Variants in DNAH11 observed in about 807,000 individuals in gnomAD.
DNAH11 encodes axonemal beta dynein heavy chain 11.
In DNAH11, 442 loss-of-function variants were observed where a neutral mutation model predicts 526.0. The observed-to-expected ratio is 0.84, with a 90% CI of 0.78 to 0.91. DNAH11 has a LOEUF of 0.91. Ranked by LOEUF, DNAH11 falls within the 40% of genes least tolerant of loss-of-function variation. DNAH11 has a pLI of 0.00. For missense variants in DNAH11, 6,989 were observed against 5,448.7 expected, an observed-to-expected ratio of 1.28 and a Z score of -8.90; for synonymous variants, 2,461 against 1,935.9, an observed-to-expected ratio of 1.27 and a Z score of -7.12.
Position 21,655,808 on chromosome 7 carries a change from T to A in DNAH11, c.4945-24T>A, listed in dbSNP as rs189287237. The A allele has an allele frequency of 1.8e-5, 29 of 1,602,526 alleles. No individual in the cohort carries two copies. The East Asian group carries it at 6.5e-4, about 36-fold the overall frequency. On this transcript the variant is annotated intron_variant, in intron 28 of 81. Transcript: ENST00000409508. ...ATACCTACAGTAAGAAATGTTCTTA[T>A]CTTTTCTAATATTCTCATTTTAGGT...
chr7:21,779,101 A>G lies in DNAH11; in HGVS notation c.9480A>G (p.Arg3160=), dbSNP rs536754956. 9 of 1,612,036 alleles carry G rather than the reference A, an allele frequency of 5.6e-6. No individual in the cohort carries two copies. Among genetic ancestry groups the G allele is most frequent in the Non-Finnish European group, 7.6e-6 (9 of 1,178,642 alleles). Residue 3160 remains arginine, a synonymous_variant, in exon 57 of 82, where the codon CGA becomes CGG. Transcript: ENST00000409508. ...AGACCATCGCTGATGCTGAGGAGCGAAAGGTCAGGCTAATTCCAACATTTA... is the reference window on the plus strand; with the variant it reads ...AGACCATCGCTGATGCTGAGGAGCGGAAGGTCAGGCTAATTCCAACATTTA... ...REKTIADAEE[R]KVTAIQTEVF...
At chr7:21,710,298 G>T (rs2128480812) in intron 40 of DNAH11, among the ~76,000 whole-genome samples, 1 of 152,188 alleles carries the variant, frequency 6.6e-6, no homozygotes. Context: ...ATGAAGGAAG[G>T]TTTTTGTTAT....
At chr7:21,646,083 C>CA (rs1191079328) in intron 28 of DNAH11, among the ~76,000 whole-genome samples, 4 of 151,686 alleles carry the variant, frequency 2.6e-5, no homozygotes, top group Admixed American at 6.6e-5. Flanking sequence ...AGAACTCCAA[C>CA]AAAAAAACAA....
intron 18 of DNAH11, 88 bp downstream of exon 18, chr7:21,601,706 C>T (rs1045111180): frequency 9.9e-7 from 1 of 1,013,854 alleles, no homozygotes; most frequent in East Asian, 2.6e-5. Context: ...TTATGATGTC[C>T]TTATAACAAT....
chr7:21,667,597 A>T (rs1313905590), intron 30 of DNAH11, among the ~76,000 whole-genome samples: 1 of 152,096 alleles, frequency 6.6e-6, no homozygotes, highest in African/African-American at 2.4e-5. Context: ...AGAAAAAAGG[A>T]TTTGTCACCC....
chr7:21,822,239 T>C (rs1404816023), intron 65 of DNAH11, among the ~76,000 whole-genome samples: 1 of 152,202 alleles, frequency 6.6e-6, no homozygotes, highest in Non-Finnish European at 1.5e-5. Context: ...CATCTGCTTC[T>C]GGTGAAGCCT....
chr7:21,775,264 T>C (rs575751143), intron 56 of DNAH11, among the ~76,000 whole-genome samples: 6 of 152,220 alleles, frequency 3.9e-5, no homozygotes, highest in African/African-American at 1.2e-4. Flanking sequence ...AAGAATAGTT[T>C]CTAGGAAACC....
chr7:21,599,653 A>G (rs1435319494), intron 14 of DNAH11, 134 bp from the exon 15 acceptor site: 4 of 594,298 alleles, frequency 6.7e-6, no homozygotes, highest in East Asian at 3.1e-5. Flanking sequence ...AGGTTCTGCA[A>G]CTTAGTATTT....
chr7:21,678,553 T>C (rs981989093), intron 30 of DNAH11, among the ~76,000 whole-genome samples: 7 of 151,882 alleles, frequency 4.6e-5, no homozygotes, highest in Non-Finnish European at 7.4e-5. Context: ...GGTGATTCCA[T>C]ACAAATTTTA....
At chr7:21,810,704 G>T (rs1789478592) in intron 63 of DNAH11, among the ~76,000 whole-genome samples, 4 of 152,122 alleles carry the variant, frequency 2.6e-5, no homozygotes, top group Non-Finnish European at 5.9e-5. Flanking sequence ...GGAGTAAAAA[G>T]AGAGGAAAGA....
intron 36 of DNAH11, among the ~76,000 whole-genome samples, chr7:21,698,943 A>G (rs1419838571): frequency 2.0e-5 from 3 of 152,204 alleles, no homozygotes; most frequent in African/African-American, 7.2e-5. Flanking sequence ...AACTTATTTT[A>G]TAATTTTTAT....
Position 21,866,455 on chromosome 7 carries a change from C to A in DNAH11, c.11497-15C>A. ...CGTTCACACCATTCCTACTTGTTTC[C>A]CTATCATATTACAGGCAATTGCCGT... is the stretch of plus-strand genomic sequence containing the variant. On this transcript the variant is annotated splice_polypyrimidine_tract_variant and intron_variant, in intron 70 of 81. Coordinates refer to ENST00000409508, the MANE Select transcript of DNAH11 (RefSeq NM_001277115.2). The A allele has an allele frequency of 6.2e-7, 1 of 1,600,374 alleles. No homozygotes were observed. The highest frequency in any genetic ancestry group is 2.2e-5 in the East Asian group (1 of 44,774).
chr7:21,565,330 C>A (rs1190938128), intron 6 of DNAH11, among the ~76,000 whole-genome samples: 2 of 152,136 alleles, frequency 1.3e-5, no homozygotes, highest in Non-Finnish European at 2.9e-5. Context: ...ATCACAGTTA[C>A]CTCCTAAAGA....
At chr7:21,787,726 T>A (rs560025880) in intron 60 of DNAH11, 143 bp downstream of exon 60, 3 of 664,392 alleles carry the variant, frequency 4.5e-6, no homozygotes, top group Admixed American at 3.8e-5. Flanking sequence ...GACATGAGCA[T>A]GTTAGAGTAA....
intron 71 of DNAH11, among the ~76,000 whole-genome samples, chr7:21,867,505 A>G (rs1783325419): frequency 6.6e-6 from 1 of 152,228 alleles, no homozygotes; most frequent in Non-Finnish European, 1.5e-5. Flanking sequence ...CAGGCTGGAA[A>G]ATTGCACTGT....
intron 14 of DNAH11, among the ~76,000 whole-genome samples, chr7:21,595,059 G>A (rs1583512173): frequency 6.6e-6 from 1 of 152,176 alleles, no homozygotes; most frequent in South Asian, 2.1e-4. Flanking sequence ...TGTTCAGGCT[G>A]ATATAGCAAA....
At chr7:21,545,172 T>C (rs759685350) in intron 2 of DNAH11, 23 bp downstream of exon 2, 2 of 1,585,534 alleles carry the variant, frequency 1.3e-6, no homozygotes, top group African/African-American at 2.7e-5. Flanking sequence ...CTTTAATATT[T>C]AAAGCTTTCA....
At chr7:21,868,106 T>A in intron 72 of DNAH11, 99 bp downstream of exon 72, 1 of 893,296 alleles carries the variant, frequency 1.1e-6, no homozygotes, top group Non-Finnish European at 1.5e-6. Context: ...CTTAGTTTCT[T>A]TTTTTTTTTT....
intron 63 of DNAH11, among the ~76,000 whole-genome samples, chr7:21,813,675 A>G (rs1223080488): frequency 1.3e-5 from 2 of 152,140 alleles, no homozygotes; most frequent in East Asian, 1.9e-4. Context: ...TCTCTAGCAA[A>G]TGCTTCTTTT....
Sources: allele counts gnomAD v4.1 joint callset (sites outside exome capture counted in the v4.1 genomes callset), GRCh38; gene constraint gnomAD v4.1.1; transcripts MANE v1.5; gene names NCBI Gene and HGNC (gene_info 2026-07-23, HGNC 2026-07-21).